POTEI: variants seen among roughly 807,000 people sequenced by gnomAD.
POTEI encodes the protein POTE ankyrin domain family, member I.
Under a neutral mutation model 43.4 loss-of-function variants are expected in POTEI, and 14 were observed. That is an observed-to-expected ratio of 0.32 (90% CI 0.21 to 0.50). The LOEUF (loss-of-function observed/expected upper bound fraction) is 0.50. Among genes scored for constraint, POTEI ranks in the 20% least tolerant of loss-of-function variants. The pLI, the probability that POTEI is intolerant of heterozygous loss-of-function variation, is 0.98. For missense variants in POTEI, 235 were observed against 795.4 expected (o/e 0.30, Z 8.47); for synonymous variants, 95 against 297.9 (o/e 0.32, Z 7.01).
intron 9 of POTEI, among the ~76,000 whole-genome samples, chr2:130,483,744 G>T: frequency 6.7e-6 from 1 of 148,968 alleles, no homozygotes; most frequent in East Asian, 2.0e-4. Context: ...ACAGGCGCAT[G>T]CCACCACACC....
chr2:130,482,442 G>A (rs1439462312), intron 9 of POTEI, among the ~76,000 whole-genome samples: 5 of 150,200 alleles, frequency 3.3e-5, no homozygotes, highest in Middle Eastern at 3.2e-3. Flanking sequence ...TGAGGACTAC[G>A]CTGCCTTATT....
At chr2:130,468,704 G>C (rs1192605996) in intron 13 of POTEI, among the ~76,000 whole-genome samples, 2 of 76,154 alleles carry the variant, frequency 2.6e-5, no homozygotes, top group Non-Finnish European at 5.0e-5. Flanking sequence ...CCAAACTATT[G>C]GGGGGGGGGG....
intron 13 of POTEI, among the ~76,000 whole-genome samples, chr2:130,468,856 C>G (rs1344495491): frequency 1.3e-5 from 2 of 152,110 alleles, no homozygotes; most frequent in Non-Finnish European, 2.9e-5. Context: ...ATAGAAAAAG[C>G]TAGATTTGCC....
rs1408043176 is a variant in POTEI, at chr2:130,488,674, G to A, written c.1243-476C>T. Reference sequence around the variant, plus strand: ...AGAAAGGAAGTTTGCCCTTTTCTGCGCTAAGATATTCTTCTACCCCACTGC... The same window carrying A: ...AGAAAGGAAGTTTGCCCTTTTCTGCACTAAGATATTCTTCTACCCCACTGC... On this transcript the variant is annotated intron_variant, in intron 8 of 14. Coordinates refer to ENST00000451531, the MANE Select transcript of POTEI (RefSeq NM_001277406.2). Among the ~76,000 whole-genome samples, 16 of 123,294 alleles carry A rather than the reference G, an allele frequency of 1.3e-4. 1 individual carries two copies. Among genetic ancestry groups the A allele is most frequent in the South Asian group, 3.3e-4 (1 of 3,050 alleles). 80.9% of individuals were successfully genotyped at this position (123,294 alleles called of 152,430 possible).
rs1056484161 is a variant in POTEI, at chr2:130,462,533, G to A, written c.*283C>T. ...GGGGTGGCTTTTAGCAGGGCAAGGG[G>A]CTTCCTGAAACAATGCGTCTCACAA... On this transcript the variant is annotated 3_prime_UTR_variant, in exon 15 of 15. Transcript: ENST00000451531. The A allele has an allele frequency of 5.5e-6, 2 of 362,568 alleles. No homozygotes were observed. The highest frequency in any genetic ancestry group is 2.1e-5 in the African/African-American group (1 of 46,890). The allele number at this position is 362,568 out of a possible 1,614,324, so 22.5% of individuals were successfully genotyped here. A position where few individuals can be genotyped will look rare whatever the true frequency, so the allele number is the denominator to read the frequency against.
rs1471751061 is a variant in POTEI at position 130,460,169 on chromosome 2, A to T, written c.*2647T>A. 2.7e-5 allele frequency: 4 copies of T among 150,744 alleles called. No individual in the cohort carries two copies. The highest frequency in any genetic ancestry group is 5.9e-5 in the Non-Finnish European group (4 of 68,102). 9.3% of individuals were successfully genotyped at this position (150,744 alleles called of 1,614,324 possible). A position where few individuals can be genotyped will look rare whatever the true frequency, so the allele number is the denominator to read the frequency against. On this transcript the variant is annotated 3_prime_UTR_variant, in exon 15 of 15. Transcript: ENST00000451531. ...GGGCATCTAAGAGTGCCCCGTAAGCAGGTGTGGCCAGGCTGGGGCCATGGG... is the reference window on the plus strand; with the variant it reads ...GGGCATCTAAGAGTGCCCCGTAAGCTGGTGTGGCCAGGCTGGGGCCATGGG...
intron 10 of POTEI, among the ~76,000 whole-genome samples, chr2:130,479,973 G>A (rs2336769): frequency 0.28 from 4,873 of 17,720 alleles, 413 homozygotes; most frequent in East Asian, 0.8. Flanking sequence ...AGCATGTGGT[G>A]TGACCCAGCC....
rs1302115616 is a variant in POTEI at position 130,494,031 on chromosome 2, C to A, written c.1126+2521G>T. Among the ~76,000 whole-genome samples the A allele has an allele frequency of 1.2e-4, 5 of 42,844 alleles. 2 individuals are homozygous for A. The highest frequency in any genetic ancestry group is 2.7e-4 in the Non-Finnish European group (5 of 18,328). 28.1% of individuals were successfully genotyped at this position (42,844 alleles called of 152,430 possible). On this transcript the variant is annotated intron_variant, in intron 6 of 14. Transcript: ENST00000451531. ...CCTGGTTTCTTTACATGGTAAAGAA[C>A]CTTCCATCAATCCCAGCAAACTATA...
chr2:130,498,020 T>A (rs1392770470), intron 5 of POTEI, among the ~76,000 whole-genome samples: 4 of 140,858 alleles, frequency 2.8e-5, no homozygotes, highest in Admixed American at 2.2e-4. Flanking sequence ...CTTCCACGAT[T>A]TTCATTATCA....
At chr2:130,484,179 A>G (rs1340618637) in intron 9 of POTEI, among the ~76,000 whole-genome samples, 1 of 150,664 alleles carries the variant, frequency 6.6e-6, no homozygotes, top group East Asian at 2.0e-4. Flanking sequence ...GATGGCCAGA[A>G]GAGTCCCTGC....
chr2:130,507,303 TATATATATATATATACACAC>T (rs1315423016), intron 1 of POTEI, among the ~76,000 whole-genome samples: 181 of 11,506 alleles, frequency 0.016, 26 homozygotes, highest in Non-Finnish European at 0.14. Flanking sequence ...TATATATATA[TATATATATATATATACACAC>T]ACACACACAC....
At chr2:130,492,871 C>T (rs4044415) in intron 6 of POTEI, among the ~76,000 whole-genome samples, 130,263 of 149,318 alleles carry the variant, frequency 0.87, 55,750 homozygotes, top group East Asian at 0.99. Flanking sequence ...AACCACATTG[C>T]GTTTGAGTCA....
chr2:130,507,267 A>T (rs79389078), intron 1 of POTEI, among the ~76,000 whole-genome samples: 1 of 27,066 alleles, frequency 3.7e-5, no homozygotes, highest in Non-Finnish European at 7.6e-5. Flanking sequence ...CCACCAAAAA[A>T]AAAAGGATAT....
chr2:130,478,685 G>A (rs534581894), intron 10 of POTEI, among the ~76,000 whole-genome samples: 13 of 89,754 alleles, frequency 1.4e-4, no homozygotes, highest in Non-Finnish European at 3.2e-4. Flanking sequence ...TTCTTTTCTG[G>A]CAGCTGTGAC....
intron 9 of POTEI, among the ~76,000 whole-genome samples, chr2:130,483,903 A>G (rs1683491643): frequency 6.6e-6 from 1 of 150,804 alleles, no homozygotes; most frequent in African/African-American, 2.5e-5. Flanking sequence ...TTTTAAAGTG[A>G]GAATCAATCA....
At chr2:130,482,623 G>C (rs1160466518) in intron 9 of POTEI, among the ~76,000 whole-genome samples, 2 of 150,434 alleles carry the variant, frequency 1.3e-5, no homozygotes, top group Non-Finnish European at 2.9e-5. Context: ...AAATGTTGTA[G>C]TTTTCAGGAA....
At chr2:130,479,250 C>G (rs1220709098) in intron 10 of POTEI, among the ~76,000 whole-genome samples, 1 of 150,658 alleles carries the variant, frequency 6.6e-6, no homozygotes, top group East Asian at 1.9e-4. Context: ...AAACTGCCAA[C>G]TATTAATGTT....
chr2:130,485,049 A>T (rs1177621575), intron 9 of POTEI, among the ~76,000 whole-genome samples: 1 of 151,938 alleles, frequency 6.6e-6, no homozygotes, highest in Non-Finnish European at 1.5e-5. Context: ...GATTTCAGGA[A>T]GGACATCAGT....
chr2:130,479,961 T>C lies in POTEI; in HGVS notation c.1480+2042A>G, dbSNP rs1161009465. ...ACCTTCCCAGTGCCTGGTTTGGGAA[T>C]GAGCATGTGGTGTGACCCAGCCAAT... On this transcript the variant is annotated intron_variant, in intron 10 of 14. Coordinates refer to ENST00000451531, the MANE Select transcript of POTEI (RefSeq NM_001277406.2). 1.4e-4 allele frequency among the ~76,000 whole-genome samples: 5 copies of C among 35,720 alleles called. 2 individuals are homozygous for C. The highest frequency in any genetic ancestry group is 5.1e-4 in the African/African-American group (5 of 9,878). 23.4% of individuals were successfully genotyped at this position (35,720 alleles called of 152,430 possible).
Sources: gnomAD v4.1 joint callset for allele counts (sites outside exome capture counted in the v4.1 genomes callset) on GRCh38, gnomAD v4.1.1 for gene constraint, MANE v1.5 for transcripts, NCBI Gene and HGNC (gene_info 2026-07-23, HGNC 2026-07-21) for gene names.